Variants in TANC2 observed in about 807,000 individuals in gnomAD.
The protein encoded by TANC2 is tetratricopeptide repeat, ankyrin repeat and coiled-coil containing 2, also known as protein TANC2.
Under a neutral mutation model 210.5 loss-of-function variants are expected in TANC2, and 26 were observed. The ratio of observed to expected loss-of-function variants is 0.12; its 90% confidence interval spans 0.09 to 0.17. The LOEUF (loss-of-function observed/expected upper bound fraction) is 0.17, where lower values mean the gene tolerates loss of function less well. Ranked by LOEUF, TANC2 falls within the 10% of genes least tolerant of loss-of-function variation. TANC2 has a pLI of 1.00. For synonymous variants in TANC2, 931 were observed against 967.1 expected, an observed-to-expected ratio of 0.96 and a Z score of 0.69; for missense variants, 2,129 against 2,608.9, an observed-to-expected ratio of 0.82 and a Z score of 4.01.
At chr17:63,234,548 T>G (rs1016586948) in intron 7 of TANC2, among the ~76,000 whole-genome samples, 2 of 152,216 alleles carry the variant, frequency 1.3e-5, no homozygotes, top group African/African-American at 4.8e-5. Flanking sequence ...CTATGACTTT[T>G]GTAGAGAACA....
intron 2 of TANC2, among the ~76,000 whole-genome samples, chr17:63,028,103 T>G (rs2034629065): frequency 1.3e-5 from 2 of 152,120 alleles, no homozygotes; most frequent in Admixed American, 1.3e-4. Flanking sequence ...AAATGGATCT[T>G]TAATACCTTA....
chr17:63,186,791 A>G (rs1425338356), intron 5 of TANC2, among the ~76,000 whole-genome samples: 3 of 152,232 alleles, frequency 2.0e-5, no homozygotes, highest in African/African-American at 7.2e-5. Context: ...CACTGCTTAC[A>G]AAGAGCCAAA....
At chr17:63,193,427 A>G (rs545411987) in intron 5 of TANC2, among the ~76,000 whole-genome samples, 17 of 152,196 alleles carry the variant, frequency 1.1e-4, no homozygotes, top group Non-Finnish European at 1.9e-4. Flanking sequence ...AAATGGAATA[A>G]TAACAATGCA....
intron 4 of TANC2, among the ~76,000 whole-genome samples, chr17:63,118,286 T>C (rs1003403958): frequency 1.3e-5 from 2 of 152,212 alleles, no homozygotes; most frequent in Admixed American, 1.3e-4. Flanking sequence ...TTGCAAGTTA[T>C]GATATTTATT....
chr17:63,261,464 C>CTAA lies in TANC2; in HGVS notation c.1034-6281_1034-6279dup, dbSNP rs535286495. ...TGAAGGGGATCCTGCTCAGCTGAGG[C>CTAA]TAATACAAGGGCTCCAAGAAGGGTT... On this transcript the variant is annotated intron_variant, in intron 8 of 27. Transcript: ENST00000689528. Among the ~76,000 whole-genome samples, 17 of 152,210 alleles carry CTAA rather than the reference C, an allele frequency of 1.1e-4. No individual in the cohort carries two copies. In the South Asian group the frequency reaches 3.5e-3, roughly 32 times the overall value.
chr17:63,279,378 A>G (rs1000734368), intron 9 of TANC2, among the ~76,000 whole-genome samples: 2 of 152,122 alleles, frequency 1.3e-5, no homozygotes, highest in African/African-American at 2.4e-5. Context: ...CCTTTTACAG[A>G]GTAAGAAATC....
chr17:63,023,352 G>A lies in TANC2; in HGVS notation c.67+13726G>A, dbSNP rs766651774. 1.9e-4 allele frequency among the ~76,000 whole-genome samples: 28 copies of A among 150,814 alleles called. 1 individual carries two copies. The highest frequency in any genetic ancestry group is 4.0e-4 in the Non-Finnish European group (27 of 67,990). ...GGCACATAGAGCGAAAGATTATTTT[G>A]TGTGTGTATGTGTGTGTGTATGTGT... On this transcript the variant is annotated intron_variant, in intron 2 of 27. Transcript: ENST00000689528.
At chr17:63,344,325 A>T (rs2046331371) in intron 12 of TANC2, among the ~76,000 whole-genome samples, 1 of 152,204 alleles carries the variant, frequency 6.6e-6, no homozygotes, top group African/African-American at 2.4e-5. Context: ...TTAGTGATAA[A>T]AACTACACAA....
intron 9 of TANC2, among the ~76,000 whole-genome samples, chr17:63,290,039 A>C (rs1470897026): frequency 1.3e-5 from 2 of 152,160 alleles, no homozygotes; most frequent in African/African-American, 4.8e-5. Context: ...GGCACTGATA[A>C]TACTCCAGCA....
intron 1 of TANC2, among the ~76,000 whole-genome samples, chr17:62,993,420 T>C (rs147613143): frequency 6.6e-6 from 1 of 152,370 alleles, no homozygotes; most frequent in East Asian, 1.9e-4. Flanking sequence ...TTGGAGACTA[T>C]TGCCATCTTA....
intron 3 of TANC2, among the ~76,000 whole-genome samples, chr17:63,076,427 ATC>A (rs1386885343): frequency 6.6e-6 from 1 of 152,192 alleles, no homozygotes; most frequent in Non-Finnish European, 1.5e-5. Flanking sequence ...TTTCTGGAGA[ATC>A]TGACCAAAAA....
chr17:63,129,987 G>C (rs1244969921), intron 4 of TANC2, among the ~76,000 whole-genome samples: 1 of 152,044 alleles, frequency 6.6e-6, no homozygotes, highest in Non-Finnish European at 1.5e-5. Context: ...GAGCAAGAAA[G>C]TTGGCTTCAT....
intron 1 of TANC2, among the ~76,000 whole-genome samples, chr17:62,969,501 T>C (rs1451482907): frequency 6.6e-6 from 1 of 152,258 alleles, no homozygotes; most frequent in East Asian, 1.9e-4. Flanking sequence ...ATGTTAAGTC[T>C]GCATATATAC....
chr17:63,419,970 A>G, intron 27 of TANC2, 29 bp from the exon 28 acceptor site: 2 of 1,509,780 alleles, frequency 1.3e-6, no homozygotes, highest in Non-Finnish European at 1.8e-6. Context: ...GAATAACTCC[A>G]GTTCCTGTGT....
At chr17:63,015,659 T>C (rs1042817485) in intron 2 of TANC2, among the ~76,000 whole-genome samples, 16 of 152,160 alleles carry the variant, frequency 1.1e-4, no homozygotes, top group South Asian at 2.1e-4. Flanking sequence ...AATATTAGCT[T>C]TGAATTTTAT....
At chr17:63,387,348 C>G (rs1025716788) in intron 15 of TANC2, among the ~76,000 whole-genome samples, 3 of 152,132 alleles carry the variant, frequency 2.0e-5, no homozygotes, top group East Asian at 3.9e-4. Context: ...TTTTTCCTAA[C>G]CCACTTTAGA....
intron 7 of TANC2, among the ~76,000 whole-genome samples, chr17:63,222,778 C>T (rs1275065736): frequency 6.6e-6 from 1 of 152,068 alleles, no homozygotes; most frequent in Non-Finnish European, 1.5e-5. Flanking sequence ...AGCTATTTTA[C>T]TCCTAGGCAT....
chr17:63,034,611 G>A (rs1470933632), intron 2 of TANC2, among the ~76,000 whole-genome samples: 1 of 152,144 alleles, frequency 6.6e-6, no homozygotes, highest in African/African-American at 2.4e-5. Context: ...CACCATTCTA[G>A]ATGCCATTAA....
At chr17:63,027,305 C>A (rs754850335) in intron 2 of TANC2, among the ~76,000 whole-genome samples, 1 of 151,146 alleles carries the variant, frequency 6.6e-6, no homozygotes, top group African/African-American at 2.4e-5. Context: ...GAGAGTGCAA[C>A]GAAGAAAAAG....
Sources: allele counts gnomAD v4.1 joint callset (sites outside exome capture counted in the v4.1 genomes callset), GRCh38; gene constraint gnomAD v4.1.1; transcripts MANE v1.5; gene names NCBI Gene and HGNC (gene_info 2026-07-23, HGNC 2026-07-21).